SCHIP1: variants seen among roughly 807,000 people sequenced by gnomAD.
The protein encoded by SCHIP1 is schwannomin-interacting protein 1.
SCHIP1 carries 8 observed loss-of-function variants against 29.7 expected under a neutral mutation model. The ratio of observed to expected loss-of-function variants is 0.27; its 90% CI spans 0.16 to 0.49. SCHIP1 has a LOEUF of 0.49. SCHIP1 is among the 20% of genes least tolerant of loss of function. The probability of loss-of-function intolerance (pLI) is 0.99; values close to 1 mark genes in which losing one functional copy is unlikely to be tolerated. For synonymous variants in SCHIP1, 76 were observed against 94.9 expected, an observed-to-expected ratio of 0.80 and a Z score of 1.16; for missense variants, 193 against 294.6, an observed-to-expected ratio of 0.66 and a Z score of 2.52.
At chr3:159,607,421 C>T in the SCHIP1 span, among the ~76,000 whole-genome samples, 1 of 151,988 alleles carries the variant, frequency 6.6e-6, no homozygotes, top group African/African-American at 2.4e-5. Flanking sequence ...AGCTAAATTC[C>T]AAAATTATAA....
At chr3:159,515,518 G>T in the SCHIP1 span, among the ~76,000 whole-genome samples, 3 of 152,126 alleles carry the variant, frequency 2.0e-5, no homozygotes, top group African/African-American at 7.2e-5. Context: ...TTGTAAAATG[G>T]AAATAATGCA....
At chr3:159,507,525 G>T in the SCHIP1 span, among the ~76,000 whole-genome samples, 12 of 152,152 alleles carry the variant, frequency 7.9e-5, no homozygotes, top group Non-Finnish European at 1.6e-4. Flanking sequence ...TGGTGAGAGA[G>T]GGCATCCCTG....
the SCHIP1 span, among the ~76,000 whole-genome samples, chr3:159,414,522 A>C: frequency 8.8e-4 from 134 of 152,316 alleles, 1 homozygote; most frequent in Non-Finnish European, 1.6e-3. Flanking sequence ...ATTTAATTAT[A>C]TATTCACAAT....
chr3:159,444,321 C>T, the SCHIP1 span, among the ~76,000 whole-genome samples: 2 of 152,152 alleles, frequency 1.3e-5, no homozygotes, highest in Non-Finnish European at 2.9e-5. Flanking sequence ...CCAGCCTACT[C>T]TCCACCCAAA....
chr3:159,850,542 C>CAAAAAAAAAAAAAAAAA (rs61224003), intron 1 of SCHIP1, among the ~76,000 whole-genome samples: 1 of 104,938 alleles, frequency 9.5e-6, no homozygotes, highest in Non-Finnish European at 2.0e-5. Context: ...GATTCCATCT[C>CAAAAAAAAAAAAAAAAA]AAAAAAAAAA....
chr3:159,634,914 A>G, the SCHIP1 span, among the ~76,000 whole-genome samples: 1 of 152,186 alleles, frequency 6.6e-6, no homozygotes, highest in Non-Finnish European at 1.5e-5. Context: ...GCTGAAAATC[A>G]TGGGTGGCAA....
the SCHIP1 span, among the ~76,000 whole-genome samples, chr3:159,527,376 C>G: frequency 2.7e-4 from 41 of 152,180 alleles, no homozygotes; most frequent in Non-Finnish European, 5.4e-4. Flanking sequence ...CCCAAGAAAG[C>G]AACACTTGCT....
chr3:159,534,013 T>C, the SCHIP1 span, among the ~76,000 whole-genome samples: 1 of 152,308 alleles, frequency 6.6e-6, no homozygotes, highest in Non-Finnish European at 1.5e-5. Context: ...TTGCAAATGG[T>C]TTGGTCATCT....
At chr3:159,540,586 ACCTTT>A in the SCHIP1 span, among the ~76,000 whole-genome samples, 1 of 152,096 alleles carries the variant, frequency 6.6e-6, no homozygotes, top group South Asian at 2.1e-4. Flanking sequence ...CCACCACGGC[ACCTTT>A]TGGCCTCACC....
chr3:159,509,474 GT>G, the SCHIP1 span, among the ~76,000 whole-genome samples: 2 of 152,140 alleles, frequency 1.3e-5, no homozygotes, highest in Non-Finnish European at 2.9e-5. Context: ...TGAATTTAAG[GT>G]TAGTATTGTT....
At chr3:159,369,148 T>C in the SCHIP1 span, among the ~76,000 whole-genome samples, 1 of 152,206 alleles carries the variant, frequency 6.6e-6, no homozygotes, top group Non-Finnish European at 1.5e-5. Context: ...TTTCAAAAAT[T>C]GTATGATATC....
chr3:159,707,798 T>G, the SCHIP1 span, among the ~76,000 whole-genome samples: 1 of 152,326 alleles, frequency 6.6e-6, no homozygotes, highest in African/African-American at 2.4e-5. Context: ...TGGATTCCTT[T>G]GTCCCCCCTA....
intron 2 of SCHIP1, among the ~76,000 whole-genome samples, chr3:159,869,589 T>C (rs1185888284): frequency 6.6e-6 from 1 of 151,960 alleles, no homozygotes; most frequent in Non-Finnish European, 1.5e-5. Flanking sequence ...GCAGCAAAAC[T>C]ATAGTGTTAA....
the SCHIP1 span, among the ~76,000 whole-genome samples, chr3:159,353,142 C>T: frequency 6.6e-6 from 1 of 151,974 alleles, no homozygotes; most frequent in Non-Finnish European, 1.5e-5. Context: ...TGCCCCTGTA[C>T]ATTTGAGCAA....
chr3:159,853,150 C>G, intron 1 of SCHIP1: 1 of 408,590 alleles, frequency 2.4e-6, no homozygotes, highest in Non-Finnish European at 4.4e-6. Context: ...GCAGAGTGAG[C>G]CTCAGAAAAC....
chr3:159,746,624 G>A, the SCHIP1 span, among the ~76,000 whole-genome samples: 1,011 of 152,182 alleles, frequency 6.6e-3, 14 homozygotes, highest in African/African-American at 0.023. Context: ...TCCTTCAGAT[G>A]TCTTTATCAA....
At chr3:159,419,999 A>T in the SCHIP1 span, among the ~76,000 whole-genome samples, 24 of 152,186 alleles carry the variant, frequency 1.6e-4, 1 homozygote, top group Admixed American at 1.5e-3. Flanking sequence ...TTGTCTGAAA[A>T]CTTATTATTT....
chr3:159,454,098 C>T, the SCHIP1 span, among the ~76,000 whole-genome samples: 1 of 152,136 alleles, frequency 6.6e-6, no homozygotes, highest in African/African-American at 2.4e-5. Flanking sequence ...CATTTCATTC[C>T]TGGAAGATTC....
chr3:159,384,433 C>A, the SCHIP1 span, among the ~76,000 whole-genome samples: 1 of 149,446 alleles, frequency 6.7e-6, no homozygotes, highest in African/African-American at 2.5e-5. Context: ...GTATATTGAA[C>A]CAGCCTTGCA....
Sources: allele counts gnomAD v4.1 joint callset (sites outside exome capture counted in the v4.1 genomes callset), GRCh38; gene constraint gnomAD v4.1.1; transcripts MANE v1.5; gene names NCBI Gene and HGNC (gene_info 2026-07-23, HGNC 2026-07-21).